Variants in MAPKAP1 observed in about 807,000 individuals in gnomAD.
MAPKAP1 encodes target of rapamycin complex 2 subunit MAPKAP1.
Under a neutral mutation model 65.7 loss-of-function variants are expected in MAPKAP1, and 20 were observed. The ratio of observed to expected loss-of-function variants is 0.30; its 90% CI spans 0.21 to 0.44. MAPKAP1 has a LOEUF of 0.44. Ranked by LOEUF, MAPKAP1 falls within the 20% of genes least tolerant of loss-of-function variation. The pLI, the probability that MAPKAP1 is intolerant of heterozygous loss-of-function variation, is 1.00. For synonymous variants in MAPKAP1, 222 were observed against 244.3 expected (o/e 0.91, Z 0.85); for missense variants, 423 against 648.0 (o/e 0.65, Z 3.77).
chr9:125,503,880 C>CTTTTTTTTTTTTTTTTTTTTTTTTTTTT (rs35867576), intron 8 of MAPKAP1, among the ~76,000 whole-genome samples: 1 of 66,258 alleles, frequency 1.5e-5, no homozygotes, highest in Non-Finnish European at 2.5e-5. Context: ...CCACGCTTGG[C>CTTTTTTTTTTTTTTTTTTTTTTTTTTTT]TTTTTTTTTT....
At chr9:125,664,023 A>G (rs1834264114) in intron 3 of MAPKAP1, among the ~76,000 whole-genome samples, 1 of 152,186 alleles carries the variant, frequency 6.6e-6, no homozygotes, top group Non-Finnish European at 1.5e-5. Context: ...GAATTTAGGG[A>G]GCAGCGGGAT....
intron 4 of MAPKAP1, among the ~76,000 whole-genome samples, chr9:125,622,406 C>T (rs1832931952): frequency 6.6e-6 from 1 of 151,880 alleles, no homozygotes; most frequent in Non-Finnish European, 1.5e-5. Flanking sequence ...CACTATGTAC[C>T]CCCATAAATA....
intron 1 of MAPKAP1, chr9:125,696,422 C>CAAAA (rs150347319): frequency 1.5e-5 from 2 of 135,482 alleles, no homozygotes; most frequent in Admixed American, 7.4e-5. Flanking sequence ...GAAAAAAAAA[C>CAAAA]AAAAAAAAAA....
chr9:125,553,864 C>CT (rs1830657914), intron 6 of MAPKAP1, among the ~76,000 whole-genome samples: 1 of 151,926 alleles, frequency 6.6e-6, no homozygotes, highest in Non-Finnish European at 1.5e-5. Context: ...CAGCAACACT[C>CT]TATCTCTACA....
At chr9:125,442,866 T>C (rs1326048785) in intron 11 of MAPKAP1, among the ~76,000 whole-genome samples, 2 of 152,378 alleles carry the variant, frequency 1.3e-5, no homozygotes, top group Non-Finnish European at 2.9e-5. Context: ...TGTGTCTCAA[T>C]ATATTCCTGG....
chr9:125,571,764 G>A (rs2131540652), intron 5 of MAPKAP1, among the ~76,000 whole-genome samples: 1 of 152,310 alleles, frequency 6.6e-6, no homozygotes, highest in South Asian at 2.1e-4. Context: ...TCGGGAGGCT[G>A]AGGAAGGAGA....
rs1242873336 is a variant in MAPKAP1 at position 125,595,746 on chromosome 9, A to G, written c.499-10019T>C. 13 of 1,433,652 alleles carry G rather than the reference A, an allele frequency of 9.1e-6. No homozygotes were observed. The African/African-American group carries it at 1.1e-4, about 12-fold the overall frequency. The allele number at this position is 1,433,652 out of a possible 1,614,324, so 88.8% of individuals were successfully genotyped here. ...GGAGGGTTGAGCTTTGAAACAACCA[A>G]TGAGAGCAAGAGGAGCCATTGTGAG... On this transcript the variant is annotated intron_variant, in intron 4 of 11. Coordinates refer to ENST00000265960, the MANE Select transcript of MAPKAP1 (RefSeq NM_001006617.3). The surrounding 1 kb of genome is among the most constrained non-coding windows in gnomAD (Gnocchi z 4.0).
At chr9:125,652,482 A>AT (rs1009904672) in intron 4 of MAPKAP1, among the ~76,000 whole-genome samples, 5 of 152,184 alleles carry the variant, frequency 3.3e-5, no homozygotes, top group African/African-American at 1.2e-4. Context: ...ATTAGCACTC[A>AT]TGAATTATCC....
intron 4 of MAPKAP1, among the ~76,000 whole-genome samples, chr9:125,633,527 T>C (rs1833345060): frequency 2.0e-5 from 3 of 152,214 alleles, no homozygotes; most frequent in Admixed American, 6.5e-5. Flanking sequence ...TCCTAAGCAC[T>C]TTCTGATGAC....
At chr9:125,498,688 A>G (rs1828880124) in intron 8 of MAPKAP1, among the ~76,000 whole-genome samples, 1 of 152,236 alleles carries the variant, frequency 6.6e-6, no homozygotes, top group Non-Finnish European at 1.5e-5. Context: ...CCTTATGGCA[A>G]ACAGACTTCT....
chr9:125,630,319 ACAGGGCCTC>A (rs1046339628), intron 4 of MAPKAP1, among the ~76,000 whole-genome samples: 9 of 151,700 alleles, frequency 5.9e-5, no homozygotes, highest in Admixed American at 2.0e-4. Flanking sequence ...TTTTGCAGAC[ACAGGGCCTC>A]CCTATGTTGC....
chr9:125,489,468 G>C (rs893658825), intron 8 of MAPKAP1, among the ~76,000 whole-genome samples: 1 of 152,186 alleles, frequency 6.6e-6, no homozygotes, highest in Non-Finnish European at 1.5e-5. Context: ...ATAACTCAAA[G>C]ATGTATTGTG....
At chr9:125,514,979 A>G (rs12553637) in intron 7 of MAPKAP1, among the ~76,000 whole-genome samples, 77,120 of 151,696 alleles carry the variant, frequency 0.51, 20,296 homozygotes, top group African/African-American at 0.66. Context: ...CTTCCTCCAG[A>G]GGCAACTATA....
At chr9:125,566,668 C>T (rs1589293289) in intron 5 of MAPKAP1, among the ~76,000 whole-genome samples, 1 of 152,238 alleles carries the variant, frequency 6.6e-6, no homozygotes. Flanking sequence ...CAAAACTGAA[C>T]TCCACTCACA....
chr9:125,485,436 C>T (rs1415186699), intron 8 of MAPKAP1, among the ~76,000 whole-genome samples: 1 of 152,274 alleles, frequency 6.6e-6, no homozygotes, highest in African/African-American at 2.4e-5. Context: ...AAAATCTTCC[C>T]TGGCTCCACG....
chr9:125,455,012 C>A (rs561136397), intron 10 of MAPKAP1, among the ~76,000 whole-genome samples: 1 of 151,388 alleles, frequency 6.6e-6, no homozygotes, highest in East Asian at 1.9e-4. Flanking sequence ...ATAGTGAGAC[C>A]CCCATCTCTA....
chr9:125,568,651 C>G (rs1032030015), intron 5 of MAPKAP1: 1 of 152,258 alleles, frequency 6.6e-6, no homozygotes, highest in African/African-American at 2.4e-5. Flanking sequence ...CAAATTTAAG[C>G]CTTGCCAGTT....
intron 7 of MAPKAP1, among the ~76,000 whole-genome samples, chr9:125,526,500 A>G (rs1381282924): frequency 2.6e-5 from 4 of 152,240 alleles, no homozygotes; most frequent in Admixed American, 6.5e-5. Context: ...ATCACAATAC[A>G]CTGACTATAC....
intron 4 of MAPKAP1, among the ~76,000 whole-genome samples, chr9:125,615,733 C>T (rs1200953232): frequency 6.6e-6 from 1 of 151,748 alleles, no homozygotes; most frequent in Non-Finnish European, 1.5e-5. Flanking sequence ...GCCAACATGG[C>T]GAAACCCCAT....
Sources: gnomAD v4.1 joint callset for allele counts (sites outside exome capture counted in the v4.1 genomes callset) on GRCh38, gnomAD v4.1.1 for gene constraint, Gnocchi (gnomAD v3.1) non-coding constraint, MANE v1.5 for transcripts, NCBI Gene and HGNC (gene_info 2026-07-23, HGNC 2026-07-21) for gene names.